ALPK3: variants seen among roughly 807,000 people sequenced by gnomAD.
ALPK3 encodes the protein alpha kinase 3, also known as alpha-protein kinase 3.
A neutral mutation model predicts 140.0 loss-of-function variants in ALPK3; 102 were observed. The observed-to-expected ratio is 0.73, with a 90% confidence interval of 0.62 to 0.86. The LOEUF is 0.86. ALPK3 is among the 40% of genes least tolerant of loss of function. The probability of loss-of-function intolerance (pLI) is 0.00; values close to 1 mark genes in which losing one functional copy is unlikely to be tolerated. For missense variants in ALPK3, 2,254 were observed against 2,208.2 expected (o/e 1.02, Z -0.42); for synonymous variants, 938 against 898.5 (o/e 1.04, Z -0.79).
Position 84,859,262 on chromosome 15 carries a change from G to T in ALPK3, c.3837G>T (p.Lys1279Asn). 1.9e-6 allele frequency: 3 copies of T among 1,614,148 alleles called. No individual in the cohort carries two copies. Among genetic ancestry groups the T allele is most frequent in the Non-Finnish European group, 2.5e-6 (3 of 1,179,996 alleles). The change falls in exon 7 of 14, where the codon AAG becomes AAT. Residue 1279 changes from lysine to asparagine, a missense_variant. By Grantham distance (94) the Lys-to-Asn change is moderately conservative. Coordinates refer to ENST00000258888, the MANE Select transcript of ALPK3 (RefSeq NM_020778.5). ...DLLKAPQVIRKIRVEQFPDAS... is the reference protein window; with the variant it reads ...DLLKAPQVIRNIRVEQFPDAS... ...TCTCAGCCCCACAGGTGATCCGGAA[G>T]ATTCGGGTGGAGCAGTTTCCTGATG...
chr15:84,835,802 T>C (rs1015081246), intron 3 of ALPK3, among the ~76,000 whole-genome samples: 1 of 152,172 alleles, frequency 6.6e-6, no homozygotes, highest in African/African-American at 2.4e-5. Context: ...CCAGAGGTGA[T>C]TGCTCCCTTC....
chr15:84,833,651 G>A (rs1308689612), intron 3 of ALPK3, among the ~76,000 whole-genome samples: 1 of 152,194 alleles, frequency 6.6e-6, no homozygotes, highest in Non-Finnish European at 1.5e-5. Flanking sequence ...CCAGGGCCCT[G>A]TCAGGCAGAG....
chr15:84,857,275 G>C lies in ALPK3; in HGVS notation c.2537G>C (p.Gly846Ala). Residue 846 changes from glycine (G) to alanine (A), a missense_variant, in exon 6 of 14, where the codon GGA (glycine) becomes GCA (alanine). Gly to Ala is a moderately conservative substitution (Grantham distance 60). Coordinates refer to ENST00000258888, the MANE Select transcript of ALPK3 (RefSeq NM_020778.5). ...FQCPKEERPG[G>A]VPCMDQGGCP... ...TGCCCCAAGGAGGAGCGGCCAGGGGGAGTGCCGTGTATGGATCAGGGTGGC... is the reference window on the plus strand; with the variant it reads ...TGCCCCAAGGAGGAGCGGCCAGGGGCAGTGCCGTGTATGGATCAGGGTGGC... 1.9e-6 allele frequency: 3 copies of C among 1,614,096 alleles called. No homozygotes were observed. The East Asian group carries it at 6.7e-5, about 36-fold the overall frequency.
At chr15:84,852,868 G>A (rs1463365454) in intron 5 of ALPK3, among the ~76,000 whole-genome samples, 1 of 152,228 alleles carries the variant, frequency 6.6e-6, no homozygotes, top group Non-Finnish European at 1.5e-5. Context: ...TTGGGCTGCA[G>A]TGAGGAAAAG....
intron 7 of ALPK3, 55 bp downstream of exon 7, chr15:84,859,445 G>T (rs530558977): frequency 8.8e-6 from 14 of 1,599,680 alleles, no homozygotes; most frequent in South Asian, 3.4e-5. Context: ...CAGTAATACC[G>T]TTGGGCACTG....
chr15:84,839,894 G>C lies in ALPK3; in HGVS notation c.615G>C (p.Ala205=), dbSNP rs763966913. 3.1e-6 allele frequency: 5 copies of C among 1,613,908 alleles called. No homozygotes were observed. The highest frequency in any genetic ancestry group is 4.2e-6 in the Non-Finnish European group (5 of 1,179,908). Residue 205 remains alanine, a synonymous_variant, in exon 5 of 14, where the codon GCG becomes GCC. Transcript: ENST00000258888. ...AGCAGAGCTGGAAGCACGAGAAGGC[G>C]GTGCCTGGGGAGGTCGACACTCTGC... The part of the protein sequence containing the change: ...EIEQSWKHEK[A]VPGEVDTLRK...
chr15:84,871,020 A>C lies in ALPK3; in HGVS notation c.*2564A>C, dbSNP rs17602074. The C allele has an allele frequency of 0.081, 12,314 of 152,694 alleles. 546 individuals carry two copies. Among genetic ancestry groups the C allele is most frequent in the East Asian group, 0.11 (572 of 5,188 alleles). The allele number at this position is 152,694 out of a possible 1,614,324, so 9.5% of individuals were successfully genotyped here. ...CTATTCTCCAAAGTCCAGTGTCATT[A>C]GGGATAATCTCCCTCTTTCAGTTTT... On this transcript the variant is annotated 3_prime_UTR_variant, in exon 14 of 14. Transcript: ENST00000258888.
rs1596149322 is a variant in ALPK3 at position 84,839,028 on chromosome 15, A to C, written c.353A>C (p.Asp118Ala). ...TGGTACAAGGATGATACGGAGCTGG[A>C]CCGCTACTGTGGCTTGCCAAAATAT... is the stretch of plus-strand genomic sequence containing the variant. Reference protein sequence around the residue: ...VTWYKDDTELDRYCGLPKYEI... With the variant: ...VTWYKDDTELARYCGLPKYEI... The change falls in exon 4 of 14, where the codon GAC (aspartate) becomes GCC (alanine). Residue 118 changes from aspartate to alanine, a missense_variant. By Grantham distance (126) the Asp-to-Ala change is moderately radical (BLOSUM62 -2). Around this residue, in one of 3 missense-constraint regions of ALPK3, gnomAD observed 2,088 missense variants for 2,022.9 expected, o/e 1.03. Transcript: ENST00000258888. 6.2e-7 allele frequency: 1 copy of C among 1,614,012 alleles called. No homozygotes were observed.
intron 5 of ALPK3, among the ~76,000 whole-genome samples, chr15:84,848,524 T>TA (rs1189481212): frequency 1.3e-5 from 2 of 151,854 alleles, no homozygotes; most frequent in Non-Finnish European, 2.9e-5. Flanking sequence ...TGTTCTAATC[T>TA]AAAAGGAGGC....
chr15:84,871,463 T>C lies in ALPK3; in HGVS notation c.*3007T>C, dbSNP rs1331275395. ...GTGGCTGCCTCAGCTTCCAGTTCAG[T>C]TGAATAGCTACTACGTCTTTGAGGA... On this transcript the variant is annotated 3_prime_UTR_variant, in exon 14 of 14. Coordinates refer to ENST00000258888, the MANE Select transcript of ALPK3 (RefSeq NM_020778.5). 1 of 152,244 alleles carries C rather than the reference T, an allele frequency of 6.6e-6. No individual in the cohort carries two copies. The allele number at this position is 152,244 out of a possible 1,614,324, so 9.4% of individuals were successfully genotyped here. A position where few individuals can be genotyped will look rare whatever the true frequency, so the allele number is the denominator to read the frequency against.
chr15:84,837,340 C>A (rs1963606847), intron 3 of ALPK3, among the ~76,000 whole-genome samples: 1 of 152,182 alleles, frequency 6.6e-6, no homozygotes, highest in Non-Finnish European at 1.5e-5. Context: ...GAGAAATGTC[C>A]TTGATTAGGC....
Position 84,857,543 on chromosome 15 carries a change from C to A in ALPK3, c.2805C>A (p.Ala935=). 6.3e-7 allele frequency: 1 copy of A among 1,586,902 alleles called. No homozygotes were observed. Among genetic ancestry groups the A allele is most frequent in the Non-Finnish European group, 8.6e-7 (1 of 1,165,766 alleles). ...PETMATSSEG[A]CAQVPDVEGR... is the part of the protein sequence containing the mutation. ...CCATGGCCACCAGCAGTGAGGGGGC[C>A]TGCGCCCAGGTACCAGATGTGGAGG... is the stretch of plus-strand genomic sequence containing the variant. Residue 935 remains alanine (A), a synonymous_variant, in exon 6 of 14, where the codon GCC becomes GCA. Transcript: ENST00000258888.
rs899748613 is a variant in ALPK3 at position 84,871,017 on chromosome 15, A to T, written c.*2561A>T. ...CTTCTATTCTCCAAAGTCCAGTGTC[A>T]TTAGGGATAATCTCCCTCTTTCAGT... On this transcript the variant is annotated 3_prime_UTR_variant, in exon 14 of 14. Coordinates refer to ENST00000258888, the MANE Select transcript of ALPK3 (RefSeq NM_020778.5). 2 of 152,628 alleles carry T rather than the reference A, an allele frequency of 1.3e-5. No individual in the cohort carries two copies. Among genetic ancestry groups the T allele is most frequent in the Non-Finnish European group, 2.9e-5 (2 of 68,040 alleles). 9.5% of individuals were successfully genotyped at this position (152,628 alleles called of 1,614,324 possible). A position where few individuals can be genotyped will look rare whatever the true frequency, so the allele number is the denominator to read the frequency against.
chr15:84,831,014 G>A (rs764551014), intron 3 of ALPK3, among the ~76,000 whole-genome samples: 18 of 152,162 alleles, frequency 1.2e-4, no homozygotes, highest in Non-Finnish European at 2.5e-4. Flanking sequence ...ACTGTGCCCG[G>A]CCTCTTTTTT....
chr15:84,838,847 C>G, intron 3 of ALPK3, 133 bp from the exon 4 acceptor site: 1 of 670,694 alleles, frequency 1.5e-6, no homozygotes, highest in East Asian at 2.9e-5. Context: ...GTCTTAAACT[C>G]CTGACCTCAG....
chr15:84,864,560 G>C lies in ALPK3; in HGVS notation c.4618G>C (p.Ala1540Pro), dbSNP rs116614418. 9.9e-6 allele frequency: 16 copies of C among 1,614,228 alleles called. No homozygotes were observed. Among genetic ancestry groups the C allele is most frequent in the Non-Finnish European group, 1.4e-5 (16 of 1,180,036 alleles). ...YCSREWGCAE[A>P]PTASGSSEAM... ...TTCTCGGGAATGGGGCTGTGCTGAGGCTCCGACAGCATCTGGCAGCTCTGA... is the reference window on the plus strand; with the variant it reads ...TTCTCGGGAATGGGGCTGTGCTGAGCCTCCGACAGCATCTGGCAGCTCTGA... The change falls in exon 12 of 14, where the codon GCT becomes CCT. Residue 1540 changes from alanine to proline, a missense_variant. Coordinates refer to ENST00000258888, the MANE Select transcript of ALPK3 (RefSeq NM_020778.5).
chr15:84,859,047 C>T (rs1291601850), intron 6 of ALPK3, among the ~76,000 whole-genome samples, 196 bp from the exon 7 acceptor site: 1 of 152,284 alleles, frequency 6.6e-6, no homozygotes, highest in Non-Finnish European at 1.5e-5. Flanking sequence ...TTCTCTCTAG[C>T]TGAGATGTGT....
rs180883137 is a variant in ALPK3, at chr15:84,859,704, G to T, written c.3966-72G>T. 11,416 of 1,502,288 alleles carry T rather than the reference G, an allele frequency of 7.6e-3. 72 individuals are homozygous for T. Among genetic ancestry groups the T allele is most frequent in the Non-Finnish European group, 9.1e-3 (10,337 of 1,131,290 alleles). The allele number at this position is 1,502,288 out of a possible 1,614,324, so 93.1% of individuals were successfully genotyped here. A position where few individuals can be genotyped will look rare whatever the true frequency, so the allele number is the denominator to read the frequency against. ...GGTTCACAGCAGCCTCTGAGAGTGGGGTCCAAGGACGCTTAGGACCACAGT... is the reference window on the plus strand; with the variant it reads ...GGTTCACAGCAGCCTCTGAGAGTGGTGTCCAAGGACGCTTAGGACCACAGT... On this transcript the variant is annotated intron_variant, in intron 7 of 13. Transcript: ENST00000258888.
chr15:84,840,703 C>T lies in ALPK3; in HGVS notation c.1424C>T (p.Thr475Ile). The change falls in exon 5 of 14, where the codon ACT (threonine) becomes ATT (isoleucine). Residue 475 changes from threonine to isoleucine, a missense_variant. Coordinates refer to ENST00000258888, the MANE Select transcript of ALPK3 (RefSeq NM_020778.5). The part of the protein sequence containing the change: ...QPTHSLTPQP[T>I]RPFNRKRFAP... ...ACACACTCCTTGACCCCCCAGCCGA[C>T]TAGGCCTTTCAACAGAAAGAGATTT... 6.2e-7 allele frequency: 1 copy of T among 1,612,100 alleles called. No individual in the cohort carries two copies. Among genetic ancestry groups the T allele is most frequent in the East Asian group, 2.2e-5 (1 of 44,874 alleles).
Sources: allele counts gnomAD v4.1 joint callset (sites outside exome capture counted in the v4.1 genomes callset), GRCh38; gene constraint gnomAD v4.1.1; regional missense constraint gnomAD v4.1.1; transcripts MANE v1.5; gene names NCBI Gene and HGNC (gene_info 2026-07-23, HGNC 2026-07-21).